Variants in MSRA observed in about 807,000 individuals in gnomAD.
MSRA encodes methionine sulfoxide reductase A.
In MSRA, 54 loss-of-function variants were observed where a neutral mutation model predicts 31.3. That is an observed-to-expected ratio of 1.73 (90% CI 1.39 to 2.17). The LOEUF (loss-of-function observed/expected upper bound fraction) is 2.17. MSRA is among the 30% of genes most tolerant of loss of function. MSRA has a pLI of 0.00. For missense variants in MSRA, 507 were observed against 300.9 expected (o/e 1.69, Z -5.07); for synonymous variants, 169 against 116.5 (o/e 1.45, Z -2.90).
chr8:10,221,259 A>T (rs1452729487), intron 2 of MSRA, among the ~76,000 whole-genome samples: 1 of 152,120 alleles, frequency 6.6e-6, no homozygotes, highest in Non-Finnish European at 1.5e-5. Context: ...CAGCTTTTCA[A>T]TTGCTGTGAA....
At chr8:10,220,367 A>C (rs1488622057) in intron 2 of MSRA, among the ~76,000 whole-genome samples, 1 of 152,148 alleles carries the variant, frequency 6.6e-6, no homozygotes, top group African/African-American at 2.4e-5. Context: ...ATTCATGATA[A>C]TATGGAAATA....
At chr8:10,102,219 C>G (rs1417473004) in intron 1 of MSRA, among the ~76,000 whole-genome samples, 6 of 152,172 alleles carry the variant, frequency 3.9e-5, no homozygotes. Context: ...TCTTTGAATA[C>G]TTCCCCAGGT....
chr8:10,071,203 C>G (rs1218808098), intron 1 of MSRA, among the ~76,000 whole-genome samples: 1 of 152,168 alleles, frequency 6.6e-6, no homozygotes, highest in Non-Finnish European at 1.5e-5. Context: ...ATTCTGATAG[C>G]TATGTAGTGA....
At chr8:10,247,518 GTCTT>G (rs1438812820) in intron 3 of MSRA, among the ~76,000 whole-genome samples, 2 of 152,116 alleles carry the variant, frequency 1.3e-5, no homozygotes, top group Non-Finnish European at 2.9e-5. Context: ...AAATTCTTTT[GTCTT>G]TCTTATGTTT....
At chr8:10,426,913 G>A (rs570685383) in intron 5 of MSRA, among the ~76,000 whole-genome samples, 5 of 152,234 alleles carry the variant, frequency 3.3e-5, no homozygotes, top group African/African-American at 1.2e-4. Context: ...CTGCCTCTGA[G>A]CTGGCTGGTC....
At chr8:10,359,592 T>C (rs1467882829) in intron 5 of MSRA, among the ~76,000 whole-genome samples, 1 of 152,222 alleles carries the variant, frequency 6.6e-6, no homozygotes, top group Non-Finnish European at 1.5e-5. Context: ...TTCTTTCTAA[T>C]CCTTCTTCAG....
intron 1 of MSRA, among the ~76,000 whole-genome samples, chr8:10,150,834 C>A (rs1044888341): frequency 6.6e-6 from 1 of 152,164 alleles, no homozygotes; most frequent in African/African-American, 2.4e-5. Context: ...CAGTTGCATC[C>A]CTTTCCAGCA....
At chr8:10,415,822 A>G (rs1291779233) in intron 5 of MSRA, among the ~76,000 whole-genome samples, 1 of 148,738 alleles carries the variant, frequency 6.7e-6, no homozygotes, top group African/African-American at 2.5e-5. Flanking sequence ...TTCACACCCT[A>G]CTCCTGCCTA....
chr8:10,395,413 A>C (rs1807034705), intron 5 of MSRA, among the ~76,000 whole-genome samples: 1 of 152,130 alleles, frequency 6.6e-6, no homozygotes, highest in African/African-American at 2.4e-5. Flanking sequence ...GAGTGGAGGT[A>C]CTGAGGCTGG....
rs145529150 is a variant in MSRA at position 10,246,862 on chromosome 8, A to T, written c.331+1639A>T. Reference sequence around the variant, plus strand: ...CTGTTTCAAAATTAAACGCTTATGCATAGCTATAAATAGACTCAAATGAAT... The same window carrying T: ...CTGTTTCAAAATTAAACGCTTATGCTTAGCTATAAATAGACTCAAATGAAT... On this transcript the variant is annotated intron_variant, in intron 3 of 5. Transcript: ENST00000317173. Among the ~76,000 whole-genome samples the T allele has an allele frequency of 7.6e-3, 1,165 of 152,308 alleles. 17 individuals are homozygous for T. The highest frequency in any genetic ancestry group is 0.027 in the African/African-American group (1,113 of 41,550).
intron 2 of MSRA, among the ~76,000 whole-genome samples, chr8:10,229,063 A>G (rs1450507256): frequency 1.3e-5 from 2 of 152,242 alleles, no homozygotes; most frequent in Non-Finnish European, 2.9e-5. Flanking sequence ...CCATCAGATC[A>G]TTCTATGACC....
chr8:10,348,774 A>G (rs1470919772), intron 5 of MSRA, among the ~76,000 whole-genome samples: 1 of 152,166 alleles, frequency 6.6e-6, no homozygotes, highest in African/African-American at 2.4e-5. Context: ...GGAAAGAGGG[A>G]TAGGTTGGCA....
chr8:10,118,417 G>C (rs982199257), intron 1 of MSRA, among the ~76,000 whole-genome samples: 1 of 152,126 alleles, frequency 6.6e-6, no homozygotes, highest in Admixed American at 6.5e-5. Flanking sequence ...CAGAAGATGT[G>C]TCTGTACCTC....
chr8:10,217,967 G>C (rs1810146871), intron 2 of MSRA, among the ~76,000 whole-genome samples: 1 of 151,536 alleles, frequency 6.6e-6, no homozygotes, highest in South Asian at 2.1e-4. Context: ...AAATAATTCA[G>C]CCTGTCCTAT....
At chr8:10,405,471 A>G (rs1807748132) in intron 5 of MSRA, among the ~76,000 whole-genome samples, 1 of 152,170 alleles carries the variant, frequency 6.6e-6, no homozygotes, top group South Asian at 2.1e-4. Context: ...TCTTAAAGAG[A>G]GAGAGAGAAT....
intron 1 of MSRA, among the ~76,000 whole-genome samples, chr8:10,071,015 C>T (rs530886590): frequency 6.6e-6 from 1 of 152,212 alleles, no homozygotes; most frequent in South Asian, 2.1e-4. Flanking sequence ...AGTAAGTGCC[C>T]AGGAGTGCAA....
intron 1 of MSRA, among the ~76,000 whole-genome samples, chr8:10,109,525 G>A (rs1273113637): frequency 6.6e-6 from 1 of 151,812 alleles, no homozygotes; most frequent in Non-Finnish European, 1.5e-5. Context: ...TGTATTTTTG[G>A]TAGAGACGGT....
At chr8:10,337,722 G>A (rs763613848) in intron 5 of MSRA, 32 of 702,466 alleles carry the variant, frequency 4.6e-5, no homozygotes, top group South Asian at 4.1e-4. Flanking sequence ...GTGCTTCCCT[G>A]TTCTTCCTCA....
At chr8:10,181,153 T>A (rs10085917) in intron 1 of MSRA, among the ~76,000 whole-genome samples, 83,453 of 151,980 alleles carry the variant, frequency 0.55, 24,184 homozygotes, top group African/African-American at 0.76. Flanking sequence ...GAACATAACC[T>A]GTAAGCAGAT....
Sources: allele counts gnomAD v4.1 joint callset (sites outside exome capture counted in the v4.1 genomes callset), GRCh38; gene constraint gnomAD v4.1.1; transcripts MANE v1.5; gene names NCBI Gene and HGNC (gene_info 2026-07-23, HGNC 2026-07-21).